Variants in MFSD11 observed in about 807,000 individuals in gnomAD.
The protein encoded by MFSD11 is major facilitator superfamily domain containing 11.
In MFSD11, 36 loss-of-function variants were observed where a neutral mutation model predicts 53.5. The observed-to-expected ratio is 0.67, with a 90% confidence interval of 0.52 to 0.89. The LOEUF is 0.89. Among genes scored for constraint, MFSD11 ranks in the 40% least tolerant of loss-of-function variants. The probability of loss-of-function intolerance (pLI) is 0.00; values close to 1 mark genes in which losing one functional copy is unlikely to be tolerated. For synonymous variants in MFSD11, 186 were observed against 184.9 expected, an observed-to-expected ratio of 1.01 and a Z score of -0.05; for missense variants, 530 against 543.9, an observed-to-expected ratio of 0.97 and a Z score of 0.25.
At chr17:76,758,403 T>A (rs1372101143) in intron 8 of MFSD11, among the ~76,000 whole-genome samples, 1 of 151,890 alleles carries the variant, frequency 6.6e-6, no homozygotes, top group African/African-American at 2.4e-5. Flanking sequence ...GGCAACATGA[T>A]GCACCTCTCT....
At chr17:76,746,779 C>G (rs937272933) in intron 7 of MFSD11, among the ~76,000 whole-genome samples, 3 of 152,162 alleles carry the variant, frequency 2.0e-5, no homozygotes, top group Non-Finnish European at 2.9e-5. Context: ...AGGTTCCTCT[C>G]AAAATATTAC....
intron 10 of MFSD11, chr17:76,773,249 A>C (rs1199000305): frequency 6.6e-6 from 1 of 152,206 alleles, no homozygotes; most frequent in Non-Finnish European, 1.5e-5. Flanking sequence ...CGTCTCTTCA[A>C]TCCATGGGGG....
the MFSD11 span, among the ~76,000 whole-genome samples, chr17:76,793,933 T>C: frequency 6.6e-6 from 1 of 150,872 alleles, no homozygotes; most frequent in Non-Finnish European, 1.5e-5. Context: ...TTGAAGACAG[T>C]GGAAGGGACC....
chr17:76,784,762 G>C (rs189808242), downstream of MFSD11, among the ~76,000 whole-genome samples: 635 of 152,126 alleles, frequency 4.2e-3, 20 homozygotes, highest in Admixed American at 0.035. Flanking sequence ...AGTTGGGTAT[G>C]GTGGCATGTG....
chr17:76,770,808 C>T lies in MFSD11; in HGVS notation c.874+937C>T, dbSNP rs577890552. On this transcript the variant is annotated intron_variant, in intron 10 of 12. Transcript: ENST00000685175. ...GCAAAGGGTGGGGTCTGAAAGGGTC[C>T]CTAAGTGCAGGAGCCTCTGTCTCCA... is the stretch of plus-strand genomic sequence containing the variant. Among the ~76,000 whole-genome samples the T allele has an allele frequency of 1.2e-4, 19 of 152,282 alleles. No individual in the cohort carries two copies. In the South Asian group the frequency reaches 3.9e-3, roughly 32 times the overall value.
the MFSD11 span, among the ~76,000 whole-genome samples, chr17:76,786,679 A>G: frequency 2.0e-5 from 3 of 152,240 alleles, no homozygotes; most frequent in African/African-American, 7.2e-5. Flanking sequence ...ATTTCTGTCC[A>G]GGAAAGCCCA....
intron 8 of MFSD11, among the ~76,000 whole-genome samples, chr17:76,758,004 T>C (rs1463847775): frequency 6.6e-6 from 1 of 151,370 alleles, no homozygotes; most frequent in Non-Finnish European, 1.5e-5. Context: ...AGCGAGACTG[T>C]GTCTCAAAAA....
At chr17:76,768,324 A>AG (rs1555675478) in intron 9 of MFSD11, among the ~76,000 whole-genome samples, 1 of 151,554 alleles carries the variant, frequency 6.6e-6, no homozygotes, top group Non-Finnish European at 1.5e-5. Flanking sequence ...AAAAAAAAAA[A>AG]GTCATTTCTA....
upstream of MFSD11, chr17:76,736,816 G>A (rs777901001): frequency 3.8e-6 from 6 of 1,586,956 alleles, no homozygotes; most frequent in Admixed American, 1.7e-5. Context: ...TCCGGCGTCC[G>A]TAGCCACCGC....
chr17:76,790,968 T>A, the MFSD11 span, among the ~76,000 whole-genome samples: 1 of 147,932 alleles, frequency 6.8e-6, no homozygotes, highest in Non-Finnish European at 1.5e-5. Context: ...ATATTCTAAC[T>A]TGACATTTTG....
upstream of MFSD11, chr17:76,736,637 G>A (rs1004642046): frequency 9.4e-6 from 11 of 1,166,394 alleles, no homozygotes; most frequent in Non-Finnish European, 1.2e-5. Flanking sequence ...CCGGGTCGCA[G>A]ACGGCGGAAG....
chr17:76,736,927 G>A (rs2077533227), upstream of MFSD11: 6 of 1,613,058 alleles, frequency 3.7e-6, no homozygotes, highest in Non-Finnish European at 5.1e-6. Context: ...CGTCCAGCAC[G>A]GCCCCGTCCA....
rs190138570 is a variant in MFSD11, at chr17:76,751,306, C to T, written c.642-2741C>T. On this transcript the variant is annotated intron_variant, in intron 7 of 12. Coordinates refer to ENST00000685175, the MANE Select transcript of MFSD11 (RefSeq NM_001242532.5). Reference sequence around the variant, plus strand: ...TTGGGAGGCTGAGGCAGGAGAATGGCGTGAACCTGGGAGGTGGAGATTGCA... The same window carrying T: ...TTGGGAGGCTGAGGCAGGAGAATGGTGTGAACCTGGGAGGTGGAGATTGCA... Among the ~76,000 whole-genome samples the T allele has an allele frequency of 3.4e-3, 518 of 151,670 alleles. 4 individuals are homozygous for T. Among genetic ancestry groups the T allele is most frequent in the African/African-American group, 0.011 (467 of 41,388 alleles).
the MFSD11 span, among the ~76,000 whole-genome samples, chr17:76,790,614 G>A: frequency 2.1e-3 from 294 of 141,882 alleles, 25 homozygotes; most frequent in African/African-American, 7.3e-3. Flanking sequence ...CACCGTGCCC[G>A]GCCTAAAACT....
chr17:76,799,504 C>T, the MFSD11 span: 1 of 152,162 alleles, frequency 6.6e-6, no homozygotes, highest in African/African-American at 2.4e-5. Context: ...TGGATTCAAG[C>T]AGTTCTCCTG....
At chr17:76,750,324 T>C (rs1432406171) in intron 7 of MFSD11, among the ~76,000 whole-genome samples, 1 of 152,064 alleles carries the variant, frequency 6.6e-6, no homozygotes, top group Admixed American at 6.6e-5. Context: ...AAAAAAGTTT[T>C]CTTGCTGGTT....
Position 76,738,210 on chromosome 17 carries a change from T to C in MFSD11, c.-143T>C. 1 of 628,272 alleles carries C rather than the reference T, an allele frequency of 1.6e-6. No homozygotes were observed. Among genetic ancestry groups the C allele is most frequent in the South Asian group, 1.9e-5 (1 of 52,222 alleles). 38.9% of individuals were successfully genotyped at this position (628,272 alleles called of 1,614,324 possible). On this transcript the variant is annotated 5_prime_UTR_variant, in exon 1 of 13. Coordinates refer to ENST00000685175, the MANE Select transcript of MFSD11 (RefSeq NM_001242532.5). The stretch of plus-strand genomic sequence containing the variant: ...AAACCTGGGGTTCCGATCCAGGAAC[T>C]GGAAGTTGACAGCTTGGCTGCCTGG...
chr17:76,738,273 T>G lies in MFSD11; in HGVS notation c.-80T>G, dbSNP rs1211176028. The G allele has an allele frequency of 2.2e-6, 2 of 910,088 alleles. No homozygotes were observed. The highest frequency in any genetic ancestry group is 3.6e-6 in the Non-Finnish European group (2 of 561,550). 56.4% of individuals were successfully genotyped at this position (910,088 alleles called of 1,614,324 possible). ...CCTTCTCCACTCACCATCTCATTTC[T>G]TTCTCCAGGATTGTCAGTGGCTTCG... On this transcript the variant is annotated 5_prime_UTR_variant, in exon 1 of 13. Transcript: ENST00000685175.
At chr17:76,752,742 GT>G (rs2079170891) in intron 7 of MFSD11, among the ~76,000 whole-genome samples, 1 of 152,138 alleles carries the variant, frequency 6.6e-6, no homozygotes. Context: ...AAAATTGCAG[GT>G]TGCGACGAAG....
Sources: allele counts gnomAD v4.1 joint callset (sites outside exome capture counted in the v4.1 genomes callset), GRCh38; gene constraint gnomAD v4.1.1; transcripts MANE v1.5; gene names NCBI Gene and HGNC (gene_info 2026-07-23, HGNC 2026-07-21).